The following CRTAC1 variants were observed in gnomAD, a reference collection of about 807,000 sequenced individuals.
The protein encoded by CRTAC1 is acidic secreted protein in cartilage.
A neutral mutation model predicts 67.8 loss-of-function variants in CRTAC1; 37 were observed. The ratio of observed to expected loss-of-function variants is 0.55; its 90% confidence interval spans 0.42 to 0.72. CRTAC1 has a LOEUF of 0.72. Among genes scored for constraint, CRTAC1 ranks in the 30% least tolerant of loss-of-function variants. The pLI is 0.00. For synonymous variants in CRTAC1, 348 were observed against 371.0 expected, an observed-to-expected ratio of 0.94 and a Z score of 0.71; for missense variants, 780 against 931.6, an observed-to-expected ratio of 0.84 and a Z score of 2.12.
At chr10:97,973,973 C>CAAA (rs552987541) in intron 2 of CRTAC1, among the ~76,000 whole-genome samples, 11 of 68,898 alleles carry the variant, frequency 1.6e-4, no homozygotes, top group African/African-American at 4.7e-4. Flanking sequence ...GATCCCATAC[C>CAAA]AAAAAAAAAA....
intron 2 of CRTAC1, among the ~76,000 whole-genome samples, chr10:97,988,458 A>G (rs1198623866): frequency 3.3e-5 from 5 of 152,192 alleles, no homozygotes; most frequent in African/African-American, 1.2e-4. Flanking sequence ...GTGGTGGCTC[A>G]TGCCTGTAAT....
At chr10:97,988,980 C>G (rs773418905) in intron 2 of CRTAC1, among the ~76,000 whole-genome samples, 2 of 152,322 alleles carry the variant, frequency 1.3e-5, no homozygotes, top group Non-Finnish European at 1.5e-5. Flanking sequence ...TGTGAAGGAG[C>G]ATCATGCAAT....
intron 1 of CRTAC1, among the ~76,000 whole-genome samples, chr10:98,022,579 G>T (rs1295866359): frequency 2.0e-5 from 3 of 150,906 alleles, no homozygotes; most frequent in Non-Finnish European, 4.4e-5. Flanking sequence ...GAATGCATTT[G>T]TTGCTGCTGG....
rs369463774 is a variant in CRTAC1, at chr10:97,936,149, G to A, written c.421+21C>T. The stretch of plus-strand genomic sequence containing the variant: ...AGGGAGAAGATGGGAAGCAGGAAGA[G>A]GCCTGAGCCCCAGCCCTTACCCGAG... On this transcript the variant is annotated intron_variant, in intron 3 of 14. Coordinates refer to ENST00000370597, the MANE Select transcript of CRTAC1 (RefSeq NM_018058.7). 12 of 1,575,482 alleles carry A rather than the reference G, an allele frequency of 7.6e-6. No homozygotes were observed. The African/African-American group carries it at 1.3e-4, about 18-fold the overall frequency.
chr10:97,987,126 A>G (rs1369710389), intron 2 of CRTAC1, among the ~76,000 whole-genome samples: 5 of 152,244 alleles, frequency 3.3e-5, no homozygotes, highest in Non-Finnish European at 7.3e-5. Flanking sequence ...AAAATATCTG[A>G]AACACATGCA....
chr10:98,005,100 A>ATATATATAT, intron 2 of CRTAC1, among the ~76,000 whole-genome samples: 2 of 48,926 alleles, frequency 4.1e-5, no homozygotes, highest in African/African-American at 2.3e-4. Flanking sequence ...ATATATATAT[A>ATATATATAT]TTTTTTTTTT....
chr10:97,933,917 G>C (rs2051041792), intron 3 of CRTAC1, among the ~76,000 whole-genome samples: 1 of 152,202 alleles, frequency 6.6e-6, no homozygotes, highest in Non-Finnish European at 1.5e-5. Flanking sequence ...CTGGAGTGCA[G>C]CTTAGCTGGG....
intron 5 of CRTAC1, among the ~76,000 whole-genome samples, chr10:97,909,760 T>C (rs1289364120): frequency 6.6e-6 from 1 of 152,212 alleles, no homozygotes; most frequent in Non-Finnish European, 1.5e-5. Flanking sequence ...ACTCTGAGGT[T>C]CACTGCAGCA....
chr10:97,926,918 A>C (rs1264118276), intron 3 of CRTAC1, among the ~76,000 whole-genome samples: 3 of 152,158 alleles, frequency 2.0e-5, no homozygotes, highest in Non-Finnish European at 2.9e-5. Flanking sequence ...CTTCACCATC[A>C]GCAAGCAGCC....
chr10:98,020,841 C>T (rs1038068904), intron 1 of CRTAC1, among the ~76,000 whole-genome samples: 2 of 152,200 alleles, frequency 1.3e-5, no homozygotes, highest in Admixed American at 1.3e-4. Flanking sequence ...GTGAGTGACA[C>T]AGGCCCAGTG....
At chr10:97,886,383 C>T (rs1346778112) in intron 11 of CRTAC1, among the ~76,000 whole-genome samples, 1 of 152,202 alleles carries the variant, frequency 6.6e-6, no homozygotes, top group African/African-American at 2.4e-5. Context: ...CAGCCGCTGC[C>T]CTCATGGGCA....
intron 2 of CRTAC1, among the ~76,000 whole-genome samples, chr10:97,970,605 ACTC>A (rs1470455645): frequency 6.6e-6 from 1 of 151,940 alleles, no homozygotes; most frequent in East Asian, 1.9e-4. Context: ...GTTGCCTCAA[ACTC>A]CTCAGAGAAG....
intron 12 of CRTAC1, among the ~76,000 whole-genome samples, chr10:97,883,511 G>A (rs1354728901): frequency 6.6e-6 from 1 of 152,196 alleles, no homozygotes; most frequent in Non-Finnish European, 1.5e-5. Context: ...TGAGGTGGGT[G>A]GATGGGGATT....
chr10:97,974,398 G>A (rs2051765081), intron 2 of CRTAC1, among the ~76,000 whole-genome samples: 1 of 152,162 alleles, frequency 6.6e-6, no homozygotes, highest in South Asian at 2.1e-4. Flanking sequence ...AGGCACCTCC[G>A]GTTACCGCTC....
chr10:97,982,567 A>T (rs2051908799), intron 2 of CRTAC1, among the ~76,000 whole-genome samples: 1 of 152,182 alleles, frequency 6.6e-6, no homozygotes, highest in Non-Finnish European at 1.5e-5. Flanking sequence ...CACATCAGAA[A>T]ATTGGATGAA....
chr10:97,963,605 C>T (rs534337313), intron 2 of CRTAC1, among the ~76,000 whole-genome samples: 3 of 152,304 alleles, frequency 2.0e-5, no homozygotes, highest in Non-Finnish European at 2.9e-5. Flanking sequence ...TGAAACATGA[C>T]CTCTGCTTTT....
chr10:97,980,670 C>G (rs1196047313), intron 2 of CRTAC1, among the ~76,000 whole-genome samples: 1 of 152,228 alleles, frequency 6.6e-6, no homozygotes, highest in Non-Finnish European at 1.5e-5. Context: ...ATTTCCATCA[C>G]ACTGACATGA....
At chr10:97,955,199 A>G (rs1450823743) in intron 2 of CRTAC1, among the ~76,000 whole-genome samples, 1 of 152,200 alleles carries the variant, frequency 6.6e-6, no homozygotes, top group Non-Finnish European at 1.5e-5. Flanking sequence ...CTTCAGATTC[A>G]CCAGAGGTTT....
intron 2 of CRTAC1, among the ~76,000 whole-genome samples, chr10:97,993,858 T>C (rs1047935641): frequency 4.6e-5 from 7 of 152,150 alleles, no homozygotes; most frequent in Admixed American, 4.6e-4. Context: ...ATGTAGAGTG[T>C]TTACTCTTTT....
Sources: allele counts gnomAD v4.1 joint callset (sites outside exome capture counted in the v4.1 genomes callset), GRCh38; gene constraint gnomAD v4.1.1; transcripts MANE v1.5; gene names NCBI Gene and HGNC (gene_info 2026-07-23, HGNC 2026-07-21).